Variants in LRRC69 observed in about 807,000 individuals in gnomAD.
LRRC69 encodes the protein leucine rich repeat containing 69.
LRRC69 carries 42 observed loss-of-function variants against 37.8 expected under a neutral mutation model. The ratio of observed to expected loss-of-function variants is 1.11; its 90% CI spans 0.87 to 1.44. The LOEUF is 1.44. LRRC69 is among the 40% of genes most tolerant of loss of function. The pLI is 0.00. For synonymous variants in LRRC69, 141 were observed against 143.1 expected (o/e 0.99, Z 0.11); for missense variants, 357 against 401.9 (o/e 0.89, Z 0.96).
chr8:91,184,075 A>T (rs1809366963), intron 5 of LRRC69, among the ~76,000 whole-genome samples: 1 of 152,144 alleles, frequency 6.6e-6, no homozygotes, highest in African/African-American at 2.4e-5. Context: ...TGAGCTCAGG[A>T]GTTCGAGACC....
chr8:91,181,013 G>C (rs2130598334), intron 5 of LRRC69, among the ~76,000 whole-genome samples: 1 of 152,288 alleles, frequency 6.6e-6, no homozygotes, highest in South Asian at 2.1e-4. Context: ...GCCCAGTTGT[G>C]AAGCAAATAA....
chr8:91,115,078 CAA>C (rs149406348), intron 1 of LRRC69, among the ~76,000 whole-genome samples: 3,002 of 151,872 alleles, frequency 0.02, 63 homozygotes, highest in Non-Finnish European at 0.026. Flanking sequence ...TCAAAGGGCA[CAA>C]AGTTTCAGTT....
chr8:91,102,856 T>C lies in LRRC69; in HGVS notation c.183+12T>C. 6.5e-7 allele frequency: 1 copy of C among 1,532,520 alleles called. No homozygotes were observed. The highest frequency in any genetic ancestry group is 8.8e-7 in the Non-Finnish European group (1 of 1,139,048). The allele number at this position is 1,532,520 out of a possible 1,614,324, so 94.9% of individuals were successfully genotyped here. A position where few individuals can be genotyped will look rare whatever the true frequency, so the allele number is the denominator to read the frequency against. On this transcript the variant is annotated intron_variant, in intron 1 of 7. Transcript: ENST00000448384. ...GCAACTTGACCCAGGTGAGGAACAG[T>C]GTTTTGCTGTTGTGGTTTGGTATTG...
chr8:91,199,632 G>A (rs1181612211), intron 6 of LRRC69, among the ~76,000 whole-genome samples: 1 of 151,900 alleles, frequency 6.6e-6, no homozygotes, highest in African/African-American at 2.4e-5. Flanking sequence ...CAATACTACT[G>A]GGAAATCTTT....
intron 1 of LRRC69, among the ~76,000 whole-genome samples, chr8:91,119,401 A>G (rs1018088674): frequency 5.3e-5 from 8 of 152,042 alleles, no homozygotes; most frequent in African/African-American, 1.9e-4. Context: ...GAATATTCCC[A>G]GTCGCACTCA....
At chr8:91,157,579 T>C in intron 5 of LRRC69, 1 of 1,539,904 alleles carries the variant, frequency 6.5e-7, no homozygotes, top group Non-Finnish European at 8.9e-7. Context: ...TATCAGAATG[T>C]TTACAACTGC....
chr8:91,191,989 T>TC (rs1004201502), intron 6 of LRRC69, among the ~76,000 whole-genome samples: 2 of 80,048 alleles, frequency 2.5e-5, no homozygotes, highest in Non-Finnish European at 4.8e-5. Flanking sequence ...ATGCTATCCC[T>TC]CCCCCCTCCC....
chr8:91,192,738 G>A (rs190172619), intron 6 of LRRC69, among the ~76,000 whole-genome samples: 2,779 of 151,784 alleles, frequency 0.018, 71 homozygotes, highest in African/African-American at 0.063. Flanking sequence ...TGTAGATTCT[G>A]GATATTAGCC....
In LRRC69 at chr8:91,162,199, G is replaced by C. The variant is rs545449666; in HGVS notation, c.651+26460G>C. 3.3e-5 allele frequency among the ~76,000 whole-genome samples: 5 copies of C among 151,578 alleles called. 1 individual carries two copies. Among genetic ancestry groups the C allele is most frequent in the African/African-American group, 1.2e-4 (5 of 41,504 alleles). On this transcript the variant is annotated intron_variant, in intron 5 of 7. Transcript: ENST00000448384. Reference sequence around the variant, plus strand: ...TGGTTTATCCTGGAGAATGTTCCATGTGCTGGAAAGAAGAATGTGTATTCT... The same window carrying C: ...TGGTTTATCCTGGAGAATGTTCCATCTGCTGGAAAGAAGAATGTGTATTCT...
rs34087651 is a variant in LRRC69, at chr8:91,208,158, G to A, written c.933+7366G>A. 2.4e-3 allele frequency among the ~76,000 whole-genome samples: 363 copies of A among 152,238 alleles called. 1 individual carries two copies. Among genetic ancestry groups the A allele is most frequent in the Non-Finnish European group, 4.1e-3 (278 of 68,016 alleles). On this transcript the variant is annotated intron_variant, in intron 7 of 7. Transcript: ENST00000448384. ...CCTATCTCCAAATACAGTGACATTC[G>A]GAGATACTGGGGTTTAAGACATATG... is the stretch of plus-strand genomic sequence containing the variant.
chr8:91,149,810 A>G (rs1808696439), intron 5 of LRRC69, among the ~76,000 whole-genome samples: 2 of 151,830 alleles, frequency 1.3e-5, no homozygotes, highest in South Asian at 4.1e-4. Flanking sequence ...CGTCCCTTGT[A>G]AGTTGGATTC....
At chr8:91,109,769 C>T (rs762598568) in intron 1 of LRRC69, among the ~76,000 whole-genome samples, 1 of 152,032 alleles carries the variant, frequency 6.6e-6, no homozygotes, top group Non-Finnish European at 1.5e-5. Context: ...GCCATGGAAA[C>T]TTCCCCTCAA....
chr8:91,171,949 GTT>G (rs1475661294), intron 5 of LRRC69, among the ~76,000 whole-genome samples: 31 of 122,390 alleles, frequency 2.5e-4, no homozygotes, highest in African/African-American at 5.7e-4. Flanking sequence ...GCACATGGAG[GTT>G]TTTTTTTTAA....
chr8:91,122,969 C>A (rs1484546495), intron 1 of LRRC69, among the ~76,000 whole-genome samples: 1 of 151,934 alleles, frequency 6.6e-6, no homozygotes, highest in Non-Finnish European at 1.5e-5. Context: ...CCAGGTGGAC[C>A]CAGTGTAATT....
At chr8:91,124,800 T>G in intron 2 of LRRC69, 181 bp downstream of exon 2, 1 of 492,950 alleles carries the variant, frequency 2.0e-6, no homozygotes, top group Non-Finnish European at 3.5e-6. Context: ...TATCATATGT[T>G]TATTTACATG....
chr8:91,115,161 T>C (rs1472084826), intron 1 of LRRC69, among the ~76,000 whole-genome samples: 1 of 152,042 alleles, frequency 6.6e-6, no homozygotes, highest in African/African-American at 2.4e-5. Flanking sequence ...TATAGTATAC[T>C]TGAAATTTGC....
intron 5 of LRRC69, chr8:91,158,406 TAAAC>T: frequency 7.2e-7 from 1 of 1,388,886 alleles, no homozygotes; most frequent in Non-Finnish European, 1.0e-6. Context: ...CCCAAGAAAG[TAAAC>T]AAAGATGATG....
At position 91,140,825 on chromosome 8, in the gene LRRC69, T is replaced by G. The variant is rs1808519553; in HGVS notation, c.651+5086T>G. Among the ~76,000 whole-genome samples the G allele has an allele frequency of 3.1e-5, 2 of 65,194 alleles. 1 individual carries two copies. Among genetic ancestry groups the G allele is most frequent in the Admixed American group, 2.4e-4 (2 of 8,434 alleles). The allele number at this position is 65,194 out of a possible 152,430, so 42.8% of individuals were successfully genotyped here. ...CCCGCCACTACGCCCGGCTAATTTTTTGTATTTTTAGTAGAGACGGGGTTT... is the reference window on the plus strand; with the variant it reads ...CCCGCCACTACGCCCGGCTAATTTTGTGTATTTTTAGTAGAGACGGGGTTT... On this transcript the variant is annotated intron_variant, in intron 5 of 7. Transcript: ENST00000448384.
intron 7 of LRRC69, 114 bp downstream of exon 7, chr8:91,200,906 T>C (rs1586284108): frequency 1.0e-6 from 1 of 966,692 alleles, no homozygotes. Flanking sequence ...TATAGGATAG[T>C]ATACTGTAAA....
Sources: gnomAD v4.1 joint callset for allele counts (sites outside exome capture counted in the v4.1 genomes callset) on GRCh38, gnomAD v4.1.1 for gene constraint, MANE v1.5 for transcripts, NCBI Gene and HGNC (gene_info 2026-07-23, HGNC 2026-07-21) for gene names.